COLEC10: variants seen among roughly 807,000 people sequenced by gnomAD.
COLEC10 encodes the protein collectin-10.
In COLEC10, 22 loss-of-function variants were observed where a neutral mutation model predicts 28.4. The observed-to-expected ratio is 0.78, with a 90% CI of 0.55 to 1.11. COLEC10 has a LOEUF of 1.11. COLEC10 is among the 50% of genes least tolerant of loss of function. COLEC10 has a pLI of 0.00. For synonymous variants in COLEC10, 125 were observed against 116.1 expected (o/e 1.08, Z -0.49); for missense variants, 361 against 344.1 (o/e 1.05, Z -0.39).
chr8:119,082,337 T>C (rs1299090588), intron 1 of COLEC10, among the ~76,000 whole-genome samples: 1 of 152,260 alleles, frequency 6.6e-6, no homozygotes, highest in Non-Finnish European at 1.5e-5. Flanking sequence ...GACATTTCAA[T>C]CAATTACAAA....
the COLEC10 span, among the ~76,000 whole-genome samples, chr8:118,956,640 T>C: frequency 6.6e-6 from 1 of 152,186 alleles, no homozygotes; most frequent in Middle Eastern, 3.2e-3. Context: ...CTTAGTTAAC[T>C]GATGCATATT....
In COLEC10 at chr8:119,072,261, T is replaced by TAGCACACATTGAGTAGCTG. The variant is rs377334608; in HGVS notation, c.148+4860_148+4878dup. ...AATGGGGTGACAGGAGCAAGATTGC[T>TAGCACACATTGAGTAGCTG]AGCACACATTGAGTAGCTGAGCACA... On this transcript the variant is annotated intron_variant, in intron 1 of 5. Coordinates refer to ENST00000332843, the MANE Select transcript of COLEC10 (RefSeq NM_006438.5). Among the ~76,000 whole-genome samples the TAGCACACATTGAGTAGCTG allele has an allele frequency of 5.9e-5, 9 of 152,236 alleles. 1 individual carries two copies. The highest frequency in any genetic ancestry group is 2.1e-4 in the South Asian group (1 of 4,820).
In COLEC10 at chr8:119,107,602, G is replaced by C. The variant is rs564514912; in HGVS notation, c.*1411G>C. On this transcript the variant is annotated 3_prime_UTR_variant, in exon 6 of 6. Transcript: ENST00000332843. ...CCGTGACTAACTGGTTATGAGATAG[G>C]ACTTAATTAGGTTATTTCTGTGGGT... Among the ~76,000 whole-genome samples the C allele has an allele frequency of 6.6e-6, 1 of 152,248 alleles. No homozygotes were observed. The highest frequency in any genetic ancestry group is 6.5e-5 in the Admixed American group (1 of 15,282).
At chr8:118,963,148 C>T in the COLEC10 span, among the ~76,000 whole-genome samples, 1 of 152,188 alleles carries the variant, frequency 6.6e-6, no homozygotes, top group East Asian at 1.9e-4. Context: ...AACAAATCAG[C>T]TAAAGTTCAG....
At chr8:119,077,246 T>TC (rs1815259625) in intron 1 of COLEC10, among the ~76,000 whole-genome samples, 1 of 112,402 alleles carries the variant, frequency 8.9e-6, no homozygotes, top group African/African-American at 4.6e-5. Context: ...GAGAATGATT[T>TC]TTTTTTTTTT....
rs1014871574 is a variant in COLEC10, at chr8:119,077,254, T to C, written c.148+9825T>C. 3.0e-3 allele frequency among the ~76,000 whole-genome samples: 446 copies of C among 149,356 alleles called. 1 individual carries two copies. Among genetic ancestry groups the C allele is most frequent in the African/African-American group, 0.011 (434 of 40,720 alleles). ...CTGGGTAGAGAATGATTTTTTTTTT[T>C]TTTTTTTTTTTTTGCCTCTCCATGA... On this transcript the variant is annotated intron_variant, in intron 1 of 5. Coordinates refer to ENST00000332843, the MANE Select transcript of COLEC10 (RefSeq NM_006438.5).
chr8:119,062,710 C>A (rs1814880628), upstream of COLEC10, among the ~76,000 whole-genome samples: 1 of 152,064 alleles, frequency 6.6e-6, no homozygotes, highest in Admixed American at 6.6e-5. Flanking sequence ...GAACTCTTAA[C>A]CTCAAGCAAT....
the COLEC10 span, among the ~76,000 whole-genome samples, chr8:118,954,481 C>T: frequency 6.6e-6 from 1 of 152,158 alleles, no homozygotes. Context: ...CCAGGGATTC[C>T]AGACTGAACC....
the COLEC10 span, among the ~76,000 whole-genome samples, chr8:118,970,459 A>G: frequency 4.6e-5 from 7 of 152,012 alleles, no homozygotes; most frequent in East Asian, 1.4e-3. Context: ...AACTGAATCC[A>G]GGTTCCACTA....
chr8:119,004,932 G>T (rs1361921826), intron 1 of COLEC10, among the ~76,000 whole-genome samples: 1 of 151,862 alleles, frequency 6.6e-6, no homozygotes, highest in Non-Finnish European at 1.5e-5. Context: ...CCTATTTATT[G>T]GTCTTTATAC....
intron 2 of COLEC10, among the ~76,000 whole-genome samples, chr8:119,053,603 A>C (rs1248120847): frequency 1.3e-5 from 2 of 152,018 alleles, no homozygotes; most frequent in African/African-American, 4.8e-5. Context: ...GTCAGTTACT[A>C]AACTCTTCTA....
chr8:118,995,872 G>GT (rs5894468), intron 1 of COLEC10, among the ~76,000 whole-genome samples: 98,747 of 151,562 alleles, frequency 0.65, 33,531 homozygotes, highest in African/African-American at 0.85. Flanking sequence ...TTTTCTTTCT[G>GT]TTTTTTTTAA....
chr8:118,977,433 A>T, the COLEC10 span, among the ~76,000 whole-genome samples: 1 of 147,420 alleles, frequency 6.8e-6, no homozygotes, highest in African/African-American at 2.5e-5. Flanking sequence ...AAAAATGATG[A>T]GTTCATGTCC....
chr8:119,020,655 C>G (rs185588004), intron 2 of COLEC10, among the ~76,000 whole-genome samples: 43 of 152,170 alleles, frequency 2.8e-4, no homozygotes, highest in Non-Finnish European at 4.4e-5. Flanking sequence ...CTATGGTTAC[C>G]TGGTATTATC....
chr8:119,089,641 T>C, intron 1 of COLEC10, 39 bp from the exon 2 acceptor site: 18 of 1,503,714 alleles, frequency 1.2e-5, no homozygotes, highest in Non-Finnish European at 1.7e-5. Flanking sequence ...ATGTTACTGT[T>C]TGAGATGCTT....
At chr8:119,085,764 C>G (rs987249547) in intron 1 of COLEC10, among the ~76,000 whole-genome samples, 2 of 151,772 alleles carry the variant, frequency 1.3e-5, no homozygotes, top group African/African-American at 2.4e-5. Flanking sequence ...ATTACAGGCA[C>G]CTGCCACCAG....
At chr8:119,028,729 G>C (rs1397878032) in intron 2 of COLEC10, among the ~76,000 whole-genome samples, 1 of 152,178 alleles carries the variant, frequency 6.6e-6, no homozygotes, top group Non-Finnish European at 1.5e-5. Flanking sequence ...AAATGAAAAT[G>C]CTCCATAATC....
intron 3 of COLEC10, 73 bp from the exon 4 acceptor site, chr8:119,102,275 T>C: frequency 1.4e-6 from 1 of 693,918 alleles, no homozygotes; most frequent in Non-Finnish European, 2.3e-6. Context: ...TTCCCTTCCT[T>C]CCTTCCTTCC....
intron 2 of COLEC10, among the ~76,000 whole-genome samples, chr8:119,012,813 T>G (rs1813923947): frequency 6.6e-6 from 1 of 150,488 alleles, no homozygotes; most frequent in African/African-American, 2.5e-5. Flanking sequence ...TGTAGTGATG[T>G]TCCTTTTTCA....
Sources: allele counts gnomAD v4.1 joint callset (sites outside exome capture counted in the v4.1 genomes callset), GRCh38; gene constraint gnomAD v4.1.1; transcripts MANE v1.5; gene names NCBI Gene and HGNC (gene_info 2026-07-23, HGNC 2026-07-21).